Variants in PEX13 observed in about 807,000 individuals in gnomAD.
PEX13 encodes peroxisome biogenesis factor 13.
In PEX13, 28 loss-of-function variants were observed where a neutral mutation model predicts 34.5. The observed-to-expected ratio is 0.81, with a 90% CI of 0.60 to 1.11. PEX13 has a LOEUF of 1.11. Among genes scored for constraint, PEX13 ranks in the 50% most tolerant of loss-of-function variants. The pLI is 0.00. For synonymous variants in PEX13, 177 were observed against 175.1 expected, an observed-to-expected ratio of 1.01 and a Z score of -0.09; for missense variants, 550 against 491.0, an observed-to-expected ratio of 1.12 and a Z score of -1.13.
intron 1 of PEX13, among the ~76,000 whole-genome samples, chr2:61,027,211 G>C (rs973890800): frequency 6.6e-6 from 1 of 150,604 alleles, no homozygotes; most frequent in Non-Finnish European, 1.5e-5. Flanking sequence ...GGTGGTGCAC[G>C]CCTGTAGTCC....
In PEX13 at chr2:61,032,024, C is replaced by A. The variant is rs760226954; in HGVS notation, c.698C>A (p.Ser233Tyr). ...GACCGAGCAGCTACCTCAGCAAAATCTTGGCCAATATTCTTGTTCTTTGCT... is the reference window on the plus strand; with the variant it reads ...GACCGAGCAGCTACCTCAGCAAAATATTGGCCAATATTCTTGTTCTTTGCT... ...AEDRAATSAKSWPIFLFFAVI... is the reference protein window; with the variant it reads ...AEDRAATSAKYWPIFLFFAVI... Residue 233 changes from serine to tyrosine, a missense_variant, in exon 2 of 4, where the codon TCT becomes TAT. Ser to Tyr is a moderately radical substitution (Grantham distance 144, BLOSUM62 -2). Coordinates refer to ENST00000295030, the MANE Select transcript of PEX13 (RefSeq NM_002618.4). 6.2e-7 allele frequency: 1 copy of A among 1,613,570 alleles called. No homozygotes were observed. The highest frequency in any genetic ancestry group is 8.5e-7 in the Non-Finnish European group (1 of 1,179,752).
rs766990834 is a variant in PEX13, at chr2:61,031,773, T to C, written c.447T>C (p.Ala149=). Residue 149 remains alanine, a synonymous_variant, in exon 2 of 4, where the codon GCT becomes GCC. Transcript: ENST00000295030. ...AFASVSMMMD[A]TFSAVYNSFR... is the part of the protein sequence containing the mutation. ...CCTCTGTCAGTATGATGATGGATGC[T>C]ACCTTTTCAGCTGTCTATAACAGTT... The C allele has an allele frequency of 1.2e-6, 2 of 1,613,418 alleles. No homozygotes were observed. The highest frequency in any genetic ancestry group is 1.7e-6 in the Non-Finnish European group (2 of 1,179,280).
intron 2 of PEX13, among the ~76,000 whole-genome samples, chr2:61,041,853 A>C (rs368685974): frequency 1.9e-4 from 29 of 152,334 alleles, no homozygotes; most frequent in African/African-American, 6.7e-4. Context: ...AGAAGCTACT[A>C]TAGGAAGTAA....
chr2:61,043,332 TAAAA>T, intron 2 of PEX13, among the ~76,000 whole-genome samples: 1 of 73,740 alleles, frequency 1.4e-5, no homozygotes, highest in East Asian at 4.4e-4. Context: ...CTGTCTCTAC[TAAAA>T]AAAAAAAAAA....
At chr2:61,042,904 CT>C (rs1283134003) in intron 2 of PEX13, among the ~76,000 whole-genome samples, 13 of 152,160 alleles carry the variant, frequency 8.5e-5, no homozygotes, top group Non-Finnish European at 8.8e-5. Context: ...AATGTTTTTC[CT>C]TGGCTCATCA....
rs1311222313 is a variant in PEX13 at position 61,051,504 on chromosome 2, T to A, written c.*2734T>A. 3 of 152,318 alleles carry A rather than the reference T, an allele frequency of 2.0e-5. No individual in the cohort carries two copies. The highest frequency in any genetic ancestry group is 7.2e-5 in the African/African-American group (3 of 41,440). 9.4% of individuals were successfully genotyped at this position (152,318 alleles called of 1,614,324 possible). Reference sequence around the variant, plus strand: ...GTGACTATTTGTGCCTGAAAATTCGTTTTGTATTAAAATTCTGGAGAAGGA... The same window carrying A: ...GTGACTATTTGTGCCTGAAAATTCGATTTGTATTAAAATTCTGGAGAAGGA... On this transcript the variant is annotated 3_prime_UTR_variant, in exon 4 of 4. Transcript: ENST00000295030.
At position 61,017,862 on chromosome 2, in the gene PEX13, G is replaced by T; in HGVS notation, c.92+11G>T. 1 of 1,550,116 alleles carries T rather than the reference G, an allele frequency of 6.5e-7. No individual in the cohort carries two copies. Among genetic ancestry groups the T allele is most frequent in the African/African-American group, 1.4e-5 (1 of 73,178 alleles). On this transcript the variant is annotated intron_variant, in intron 1 of 3. Transcript: ENST00000295030. Reference sequence around the variant, plus strand: ...GGGCCCCACTTTCCAGTGAGTGTGGGATTCTTCAGGCTGTGAGTTTAGTGG... The same window carrying T: ...GGGCCCCACTTTCCAGTGAGTGTGGTATTCTTCAGGCTGTGAGTTTAGTGG...
At chr2:61,047,376 G>T (rs1016113169) in intron 3 of PEX13, among the ~76,000 whole-genome samples, 1 of 152,046 alleles carries the variant, frequency 6.6e-6, no homozygotes, top group Non-Finnish European at 1.5e-5. Context: ...GGCTGGTCTC[G>T]AACTCCTGAC....
rs36090948 is a variant in PEX13, at chr2:61,048,456, C to CT, written c.914-8dup. 26 of 1,607,014 alleles carry CT rather than the reference C, an allele frequency of 1.6e-5. No homozygotes were observed. The highest frequency in any genetic ancestry group is 2.2e-5 in the East Asian group (1 of 44,860). On this transcript the variant is annotated splice_polypyrimidine_tract_variant and intron_variant, in intron 3 of 3. Transcript: ENST00000295030. ...AAGTATATTGTAATTACAAGACTGT[C>CT]TTTTTTTTCCATCAGAACAACAACC...
chr2:61,037,780 A>G (rs960812606), intron 2 of PEX13, among the ~76,000 whole-genome samples: 5 of 152,220 alleles, frequency 3.3e-5, no homozygotes, highest in Admixed American at 3.3e-4. Flanking sequence ...ACTGAAGGAG[A>G]TAGAGACATA....
At chr2:61,028,628 C>A in intron 1 of PEX13, among the ~76,000 whole-genome samples, 1 of 151,148 alleles carries the variant, frequency 6.6e-6, no homozygotes, top group Admixed American at 6.6e-5. Flanking sequence ...CTGAGGGGAC[C>A]CGCCTGCCTC....
intron 2 of PEX13, among the ~76,000 whole-genome samples, chr2:61,038,336 C>T (rs938484553): frequency 3.3e-5 from 5 of 152,308 alleles, no homozygotes; most frequent in African/African-American, 1.2e-4. Context: ...CCCTGATGAA[C>T]ATCAATGTAA....
At chr2:61,048,420 T>C (rs899458206) in intron 3 of PEX13, 52 bp from the exon 4 acceptor site, 7 of 1,446,404 alleles carry the variant, frequency 4.8e-6, no homozygotes, top group Non-Finnish European at 6.8e-6. Context: ...TACTATTCTG[T>C]TGGACCTCCA....
chr2:61,043,542 G>A (rs530364856), intron 2 of PEX13, among the ~76,000 whole-genome samples: 1 of 152,146 alleles, frequency 6.6e-6, no homozygotes, highest in South Asian at 2.1e-4. Flanking sequence ...ACCTGATAAT[G>A]GTGAAAATTC....
intron 2 of PEX13, among the ~76,000 whole-genome samples, chr2:61,035,687 A>C (rs1680523387): frequency 1.3e-5 from 2 of 152,148 alleles, no homozygotes; most frequent in Admixed American, 1.3e-4. Context: ...CACAAGCTTC[A>C]ATAGCTGATT....
chr2:61,043,961 C>G (rs1192440252), intron 2 of PEX13, among the ~76,000 whole-genome samples: 2 of 152,076 alleles, frequency 1.3e-5, no homozygotes, highest in African/African-American at 2.4e-5. Flanking sequence ...ATTCTGAGTT[C>G]TTTTTGGAGA....
chr2:61,027,971 C>T, intron 1 of PEX13, among the ~76,000 whole-genome samples: 1 of 152,122 alleles, frequency 6.6e-6, no homozygotes, highest in Admixed American at 6.5e-5. Context: ...AAAACTTTAG[C>T]CTGGATTAGA....
chr2:61,021,406 C>T (rs1271894942), intron 1 of PEX13, among the ~76,000 whole-genome samples: 1 of 152,216 alleles, frequency 6.6e-6, no homozygotes, highest in Non-Finnish European at 1.5e-5. Context: ...CCCATGGAGC[C>T]TTGCTCAGTG....
intron 2 of PEX13, among the ~76,000 whole-genome samples, 192 bp downstream of exon 2, chr2:61,032,305 T>C (rs1160106936): frequency 6.6e-6 from 1 of 152,226 alleles, no homozygotes; most frequent in Non-Finnish European, 1.5e-5. Context: ...TTCAGTTTAA[T>C]AGTGCACATT....
Sources: gnomAD v4.1 joint callset for allele counts (sites outside exome capture counted in the v4.1 genomes callset) on GRCh38, gnomAD v4.1.1 for gene constraint, MANE v1.5 for transcripts, NCBI Gene and HGNC (gene_info 2026-07-23, HGNC 2026-07-21) for gene names.